Variants in CYREN observed in about 807,000 individuals in gnomAD.
CYREN encodes cell cycle regulator of non-homologous end joining.
CYREN carries 7 observed loss-of-function variants against 9.7 expected under a neutral mutation model. That is an observed-to-expected ratio of 0.72 (90% confidence interval 0.41 to 1.36). CYREN has a LOEUF of 1.36. Ranked by LOEUF, CYREN falls within the 40% of genes most tolerant of loss-of-function variation. The probability of loss-of-function intolerance (pLI) is 0.01; values close to 1 mark genes in which losing one functional copy is unlikely to be tolerated. For synonymous variants in CYREN, 76 were observed against 77.9 expected, an observed-to-expected ratio of 0.98 and a Z score of 0.13; for missense variants, 215 against 198.1, an observed-to-expected ratio of 1.09 and a Z score of -0.51.
At chr7:135,100,216 G>A (rs974219656) in intron 2 of CYREN, 2 of 151,544 alleles carry the variant, frequency 1.3e-5, no homozygotes, top group Non-Finnish European at 2.9e-5. Flanking sequence ...AACACTGGTG[G>A]CATAAGATAA....
intron 2 of CYREN, among the ~76,000 whole-genome samples, chr7:135,119,529 C>T (rs1034531122): frequency 2.0e-5 from 3 of 151,366 alleles, no homozygotes; most frequent in Non-Finnish European, 4.4e-5. Flanking sequence ...CATGCCCATT[C>T]CCCAAAATTT....
chr7:135,128,869 T>C (rs1828328091), intron 2 of CYREN: 1 of 1,281,436 alleles, frequency 7.8e-7, no homozygotes, highest in Admixed American at 1.7e-5. Flanking sequence ...ATCCAGGAAA[T>C]CTTGGACTTT....
At chr7:135,127,275 G>A (rs770058519) in intron 2 of CYREN, among the ~76,000 whole-genome samples, 2 of 152,126 alleles carry the variant, frequency 1.3e-5, no homozygotes, top group African/African-American at 2.4e-5. Context: ...AAAGCTCAAT[G>A]GTTGGGTGTG....
intron 2 of CYREN, among the ~76,000 whole-genome samples, chr7:135,098,092 CAGTT>C (rs944955192): frequency 4.6e-5 from 7 of 152,098 alleles, no homozygotes; most frequent in Non-Finnish European, 8.8e-5. Context: ...AAATGACAAA[CAGTT>C]AGTCTACCAA....
At chr7:135,130,077 T>C (rs1376388851) in intron 2 of CYREN, among the ~76,000 whole-genome samples, 14 of 152,200 alleles carry the variant, frequency 9.2e-5, no homozygotes, top group Admixed American at 9.2e-4. Flanking sequence ...AGACATTCTG[T>C]TGGAGTTCCC....
At chr7:135,116,022 T>C (rs890250192) in intron 2 of CYREN, 4 of 154,904 alleles carry the variant, frequency 2.6e-5, no homozygotes, top group African/African-American at 9.6e-5. Context: ...AGTTTTCTTC[T>C]AAAGATAAAA....
Position 135,168,942 on chromosome 7 carries a change from G to A in CYREN, c.-20C>T. The A allele has an allele frequency of 6.4e-7, 1 of 1,562,246 alleles. No individual in the cohort carries two copies. Among genetic ancestry groups the A allele is most frequent in the African/African-American group, 1.4e-5 (1 of 72,550 alleles). Reference sequence around the variant, plus strand: ...TTCCATCTCTGTACCTTCTCACAAAGAAGAGTCAGGGCCCAAGCTTAATGA... The same window carrying A: ...TTCCATCTCTGTACCTTCTCACAAAAAAGAGTCAGGGCCCAAGCTTAATGA... On this transcript the variant is annotated 5_prime_UTR_variant, in exon 2 of 4. Transcript: ENST00000393114.
downstream of CYREN, chr7:135,164,659 T>C: frequency 6.2e-7 from 1 of 1,613,418 alleles, no homozygotes; most frequent in South Asian, 1.1e-5. Flanking sequence ...CTGGAAGCCC[T>C]GGGGGTGCCT....
chr7:135,171,092 G>A (rs1830631889), upstream of CYREN, among the ~76,000 whole-genome samples: 1 of 152,176 alleles, frequency 6.6e-6, no homozygotes, highest in African/African-American at 2.4e-5. Context: ...TGAGGAGGAT[G>A]GGAGCCCGGC....
chr7:135,164,673 G>C, downstream of CYREN: 1 of 1,613,782 alleles, frequency 6.2e-7, no homozygotes, highest in Non-Finnish European at 8.5e-7. Flanking sequence ...GGTGCCTCGG[G>C]TTGGCCTGGG....
chr7:135,118,576 CAG>C (rs1826650819), intron 2 of CYREN, among the ~76,000 whole-genome samples: 1 of 152,104 alleles, frequency 6.6e-6, no homozygotes. Context: ...ACATAAGATC[CAG>C]AGTCTCATAA....
rs1015035627 is a variant in CYREN at position 135,130,586 on chromosome 7, G to C, written n.357-36004C>G. On this transcript the variant is annotated intron_variant and non_coding_transcript_variant, in intron 2 of 2. Coordinates refer to the CYREN transcript ENST00000459937. ...TTTTATTTCCTCTGCTGGAATAGGA[G>C]AAAGCTTAATAATATATTAATTTAA... 7.3e-5 allele frequency among the ~76,000 whole-genome samples: 11 copies of C among 151,680 alleles called. No homozygotes were observed. In the East Asian group the frequency reaches 1.3e-3, roughly 19 times the overall value.
At chr7:135,142,393 GT>G (rs1432993201) in intron 2 of CYREN, among the ~76,000 whole-genome samples, 2 of 152,040 alleles carry the variant, frequency 1.3e-5, no homozygotes, top group East Asian at 1.9e-4. Flanking sequence ...CAAAATATGT[GT>G]TATCAGCTGT....
chr7:135,161,626 C>T (rs1829941867), downstream of CYREN, among the ~76,000 whole-genome samples: 1 of 152,224 alleles, frequency 6.6e-6, no homozygotes, highest in South Asian at 2.1e-4. This position sits in a 1 kb window ranked among gnomAD's most constrained non-coding sequence, Gnocchi z 4.1. Context: ...ATACCATGGA[C>T]TCAAATGGTT....
chr7:135,159,256 C>A (rs995663344), intron 2 of CYREN, among the ~76,000 whole-genome samples: 1 of 152,202 alleles, frequency 6.6e-6, no homozygotes, highest in African/African-American at 2.4e-5. Context: ...ATGGTGGAGG[C>A]ACATACTACC....
chr7:135,166,984 G>A, intron 3 of CYREN, 113 bp from the exon 4 acceptor site: 1 of 1,521,130 alleles, frequency 6.6e-7, no homozygotes, highest in Non-Finnish European at 8.8e-7. Flanking sequence ...AATGTGACCA[G>A]GCCAGGCAAT....
chr7:135,168,602 G>T, intron 2 of CYREN, 184 bp downstream of exon 2: 1 of 878,484 alleles, frequency 1.1e-6, no homozygotes, highest in Non-Finnish European at 1.7e-6. Flanking sequence ...GCCTGTCCTC[G>T]AGGGTTAACC....
rs369588191 is a variant in CYREN, at chr7:135,119,030, A to G, written n.357-24448T>C. Among the ~76,000 whole-genome samples, 23 of 152,318 alleles carry G rather than the reference A, an allele frequency of 1.5e-4. No individual in the cohort carries two copies. The East Asian group carries it at 3.9e-3, about 26-fold the overall frequency. On this transcript the variant is annotated intron_variant and non_coding_transcript_variant, in intron 2 of 2. Coordinates refer to the CYREN transcript ENST00000459937. The stretch of plus-strand genomic sequence containing the variant: ...TAGAGCTGCAGGCACCTGTAGGACT[A>G]TAAGACAAAATCTAATAATATTCAC...
intron 2 of CYREN, among the ~76,000 whole-genome samples, chr7:135,143,859 G>T (rs1305506041): frequency 1.3e-5 from 2 of 152,126 alleles, no homozygotes; most frequent in East Asian, 3.9e-4. Context: ...CTAAATTCCT[G>T]TAAGAAAAGT....
Sources: allele counts gnomAD v4.1 joint callset (sites outside exome capture counted in the v4.1 genomes callset), GRCh38; gene constraint gnomAD v4.1.1; non-coding constraint Gnocchi (gnomAD v3.1); transcripts MANE v1.5; gene names NCBI Gene and HGNC (gene_info 2026-07-23, HGNC 2026-07-21).